EML6: variants seen among roughly 807,000 people sequenced by gnomAD.
EML6 encodes the protein EMAP like 6.
EML6 carries 154 observed loss-of-function variants against 240.1 expected under a neutral mutation model. That is an observed-to-expected ratio of 0.64 (90% CI 0.56 to 0.73). EML6 has a LOEUF of 0.73. Ranked by LOEUF, EML6 falls within the 30% of genes least tolerant of loss-of-function variation. EML6 has a pLI of 0.00. For synonymous variants in EML6, 1,148 were observed against 899.0 expected (o/e 1.28, Z -4.95); for missense variants, 2,964 against 2,474.6 (o/e 1.20, Z -4.20).
At position 54,827,720 on chromosome 2, in the gene EML6, A is replaced by C; in HGVS notation, c.680A>C (p.Asn227Thr). The C allele has an allele frequency of 6.4e-7, 1 of 1,551,710 alleles. No individual in the cohort carries two copies. Among genetic ancestry groups the C allele is most frequent in the South Asian group, 1.2e-5 (1 of 84,058 alleles). Residue 227 changes from asparagine (N) to threonine (T), a missense_variant, in exon 6 of 42, where the codon AAT (asparagine) becomes ACT (threonine). Coordinates refer to ENST00000356458, the MANE Select transcript of EML6 (RefSeq NM_001039753.4). ...NGDIYVWKGL[N>T]LVRTIQGAHS... is the part of the protein sequence containing the mutation. ...GACATCTATGTCTGGAAAGGGCTCA[A>C]TTTAGTCCGCACCATTCAAGGAGCA... is the stretch of plus-strand genomic sequence containing the variant.
At chr2:54,727,570 A>G (rs1350694965) in intron 2 of EML6, among the ~76,000 whole-genome samples, 1 of 152,218 alleles carries the variant, frequency 6.6e-6, no homozygotes, top group African/African-American at 2.4e-5. Context: ...CCCGGTTACT[A>G]CTATTCTTCC....
In EML6 at chr2:54,850,029, G is replaced by A; in HGVS notation, c.1255G>A (p.Asp419Asn). The A allele has an allele frequency of 1.9e-6, 3 of 1,551,778 alleles. No homozygotes were observed. The highest frequency in any genetic ancestry group is 2.6e-6 in the Non-Finnish European group (3 of 1,146,922). The change falls in exon 10 of 42, where the codon GAT becomes AAT. Residue 419 changes from aspartate to asparagine, a missense_variant. Physicochemically the swap from Asp to Asn is conservative, Grantham distance 23. Coordinates refer to ENST00000356458, the MANE Select transcript of EML6 (RefSeq NM_001039753.4). ...EVIHEMKFSP[D>N]GSYLAVGSND... The stretch of plus-strand genomic sequence containing the variant: ...CATTCATGAAATGAAATTTTCTCCA[G>A]ATGGTTCTTACCTTGCAGTGGGATC...
At chr2:54,788,243 CCTGCAAGGCGGG>C (rs1669196177) in intron 2 of EML6, among the ~76,000 whole-genome samples, 1 of 152,226 alleles carries the variant, frequency 6.6e-6, no homozygotes, top group Admixed American at 6.5e-5. Context: ...TTCCTGTTGG[CCTGCAAGGCGGG>C]CTGCCCTCTT....
chr2:54,925,861 G>A (rs779311088), intron 26 of EML6, among the ~76,000 whole-genome samples: 13 of 152,180 alleles, frequency 8.5e-5, no homozygotes, highest in Non-Finnish European at 1.3e-4. Flanking sequence ...GCTAAATGGA[G>A]AGGCTAAAAT....
intron 13 of EML6, among the ~76,000 whole-genome samples, chr2:54,864,998 T>G (rs1670891706): frequency 6.6e-6 from 1 of 152,222 alleles, no homozygotes; most frequent in Non-Finnish European, 1.5e-5. Context: ...TGAAAAGAGA[T>G]TATTGTCTGT....
At chr2:54,824,113 T>C (rs1166252997) in intron 5 of EML6, among the ~76,000 whole-genome samples, 1 of 152,118 alleles carries the variant, frequency 6.6e-6, no homozygotes, top group East Asian at 1.9e-4. Context: ...TTTTATTGGG[T>C]TCTAACTAGA....
At chr2:54,747,068 C>G (rs1255873018) in intron 2 of EML6, 1 of 152,162 alleles carries the variant, frequency 6.6e-6, no homozygotes, top group Non-Finnish European at 1.5e-5. Flanking sequence ...CTTCATTTGA[C>G]CTTTTCCCTT....
chr2:54,814,419 G>GA (rs1253482418), intron 3 of EML6, among the ~76,000 whole-genome samples: 1 of 152,130 alleles, frequency 6.6e-6, no homozygotes, highest in Non-Finnish European at 1.5e-5. Context: ...ATACGTTCTA[G>GA]AAAAGAAAGT....
chr2:54,823,878 T>TCTCTCTCTCTCTC (rs60937620), intron 5 of EML6, among the ~76,000 whole-genome samples: 2,004 of 129,134 alleles, frequency 0.016, 155 homozygotes, highest in African/African-American at 0.046. Context: ...CTCTCTCTCT[T>TCTCTCTCTCTCTC]TCTGTCTCTC....
At chr2:54,890,169 A>G (rs1672389563) in intron 17 of EML6, among the ~76,000 whole-genome samples, 3 of 152,198 alleles carry the variant, frequency 2.0e-5, no homozygotes, top group African/African-American at 7.2e-5. Context: ...CTTTACATCT[A>G]TTAATATGAT....
intron 2 of EML6, among the ~76,000 whole-genome samples, chr2:54,767,597 AGT>A (rs111232633): frequency 0.073 from 10,658 of 145,272 alleles, 758 homozygotes; most frequent in African/African-American, 0.2. Context: ...TGGTATGAAG[AGT>A]GTGTGTGTGT....
rs561225847 is a variant in EML6, at chr2:54,849,764, A to C, written c.1188-198A>C. 3.3e-5 allele frequency among the ~76,000 whole-genome samples: 5 copies of C among 152,384 alleles called. No homozygotes were observed. The East Asian group carries it at 9.6e-4, about 29-fold the overall frequency. On this transcript the variant is annotated intron_variant, in intron 9 of 41. Coordinates refer to ENST00000356458, the MANE Select transcript of EML6 (RefSeq NM_001039753.4). ...CGGCCTCCCAAAGTGCTGGGATTAC[A>C]GGCGTAAGCCACCGCGCCCGGCCAA... is the stretch of plus-strand genomic sequence containing the variant.
intron 17 of EML6, among the ~76,000 whole-genome samples, chr2:54,889,769 C>T (rs1395933391): frequency 6.6e-6 from 1 of 152,108 alleles, no homozygotes; most frequent in Non-Finnish European, 1.5e-5. Flanking sequence ...TTAAAATCTC[C>T]TCTAGTTGCA....
chr2:54,910,952 A>T lies in EML6; in HGVS notation c.3410-2A>T. 6.6e-7 allele frequency: 1 copy of T among 1,520,760 alleles called. No individual in the cohort carries two copies. The highest frequency in any genetic ancestry group is 8.9e-7 in the Non-Finnish European group (1 of 1,121,900). The allele number at this position is 1,520,760 out of a possible 1,614,324, so 94.2% of individuals were successfully genotyped here. The stretch of plus-strand genomic sequence containing the variant: ...TCTCTCTACTTCGTTCTGTCGTAAC[A>T]GGAAAATTATTGCAAGTGAATTCAG... On this transcript the variant is annotated splice_acceptor_variant, in intron 24 of 41. Transcript: ENST00000356458. LOFTEE classifies it high-confidence loss of function.
At chr2:54,855,986 G>A (rs1670354276) in intron 11 of EML6, among the ~76,000 whole-genome samples, 1 of 152,174 alleles carries the variant, frequency 6.6e-6, no homozygotes, top group African/African-American at 2.4e-5. Flanking sequence ...TGTGGGAAAT[G>A]AGCAAACATT....
intron 8 of EML6, among the ~76,000 whole-genome samples, chr2:54,845,854 T>C (rs998133836): frequency 1.4e-4 from 21 of 152,200 alleles, no homozygotes; most frequent in African/African-American, 4.8e-4. Flanking sequence ...ATGTGACTTA[T>C]TCTTGTCTGT....
intron 26 of EML6, among the ~76,000 whole-genome samples, chr2:54,927,227 C>T (rs1032473977): frequency 6.6e-6 from 1 of 152,238 alleles, no homozygotes; most frequent in Non-Finnish European, 1.5e-5. Flanking sequence ...GGCAGTTCCG[C>T]TCTGCCATCA....
rs1674702744 is a variant in EML6, at chr2:54,928,830, G to C, written c.4004+79G>C. The C allele has an allele frequency of 4.0e-6, 6 of 1,510,072 alleles. No individual in the cohort carries two copies. In the South Asian group the frequency reaches 4.9e-5, roughly 12 times the overall value. The allele number at this position is 1,510,072 out of a possible 1,614,324, so 93.5% of individuals were successfully genotyped here. On this transcript the variant is annotated intron_variant, in intron 28 of 41. Transcript: ENST00000356458. ...GTTTAAGCCAGAGTGCGTTTTCTTT[G>C]CCCTCAAAGTTGCTGTTTAAGTCAG...
intron 17 of EML6, among the ~76,000 whole-genome samples, chr2:54,889,013 A>C (rs1672310995): frequency 6.6e-6 from 1 of 152,228 alleles, no homozygotes; most frequent in African/African-American, 2.4e-5. Flanking sequence ...TCCACAGACT[A>C]GCCAGCATTT....
Sources: gnomAD v4.1 joint callset for allele counts (sites outside exome capture counted in the v4.1 genomes callset) on GRCh38, gnomAD v4.1.1 for gene constraint, MANE v1.5 for transcripts, NCBI Gene and HGNC (gene_info 2026-07-23, HGNC 2026-07-21) for gene names.